CD48: variants seen among roughly 807,000 people sequenced by gnomAD.
The protein encoded by CD48 is CD48 molecule.
Under a neutral mutation model 22.0 loss-of-function variants are expected in CD48, and 20 were observed. The ratio of observed to expected loss-of-function variants is 0.91; its 90% CI spans 0.64 to 1.32. The LOEUF is 1.32. CD48 is among the 40% of genes most tolerant of loss of function. The probability of loss-of-function intolerance (pLI) is 0.00; values close to 1 mark genes in which losing one functional copy is unlikely to be tolerated. For synonymous variants in CD48, 110 were observed against 110.1 expected (o/e 1.00, Z 0.01); for missense variants, 307 against 286.5 (o/e 1.07, Z -0.52).
intron 1 of CD48, among the ~76,000 whole-genome samples, chr1:160,700,417 A>G (rs1186823305): frequency 6.6e-6 from 1 of 152,200 alleles, no homozygotes; most frequent in East Asian, 1.9e-4. Flanking sequence ...AGCCTGTCTA[A>G]TTAATATGGC....
intron 2 of CD48, among the ~76,000 whole-genome samples, chr1:160,682,137 G>A (rs1398820996): frequency 6.6e-6 from 1 of 152,152 alleles, no homozygotes; most frequent in Non-Finnish European, 1.5e-5. Context: ...GATGAATGAA[G>A]TAGTTATGAG....
chr1:160,682,824 A>T (rs746196532), intron 2 of CD48, among the ~76,000 whole-genome samples: 2 of 152,254 alleles, frequency 1.3e-5, no homozygotes, highest in Non-Finnish European at 2.9e-5. Context: ...TAGTCCCAGC[A>T]TCTGGTCCTT....
chr1:160,699,943 T>C (rs1662573940), intron 1 of CD48, among the ~76,000 whole-genome samples: 1 of 151,850 alleles, frequency 6.6e-6, no homozygotes. Flanking sequence ...TCTCTGTGTC[T>C]TTTTCTTTTC....
intron 1 of CD48, chr1:160,691,804 G>A (rs535842045): frequency 7.3e-5 from 27 of 368,586 alleles, no homozygotes; most frequent in South Asian, 6.6e-4. Context: ...ACACTCGAGC[G>A]TGGTCATTGA....
intron 1 of CD48, among the ~76,000 whole-genome samples, chr1:160,703,959 G>A (rs1662714468): frequency 6.6e-6 from 1 of 152,138 alleles, no homozygotes; most frequent in Admixed American, 6.5e-5. Context: ...AGTCAGAGAG[G>A]GAGTGAGATT....
At chr1:160,688,349 G>T (rs562228158) in intron 1 of CD48, among the ~76,000 whole-genome samples, 1 of 152,134 alleles carries the variant, frequency 6.6e-6, no homozygotes, top group South Asian at 2.1e-4. Context: ...GGGAGGATTC[G>T]CAAGGTCTAG....
chr1:160,706,611 G>C (rs555880559), intron 1 of CD48, among the ~76,000 whole-genome samples: 19 of 152,232 alleles, frequency 1.2e-4, no homozygotes, highest in African/African-American at 4.3e-4. Context: ...CTACTATTTT[G>C]ATTTAATTCT....
chr1:160,691,298 G>C (rs1558033763), intron 1 of CD48, among the ~76,000 whole-genome samples: 1 of 152,114 alleles, frequency 6.6e-6, no homozygotes, highest in Non-Finnish European at 1.5e-5. Context: ...CCCATCCCTG[G>C]GCAATGGAAT....
At chr1:160,681,507 G>T (rs375780851) in intron 2 of CD48, 39 bp from the exon 3 acceptor site, 6 of 1,600,490 alleles carry the variant, frequency 3.7e-6, no homozygotes, top group Non-Finnish European at 5.1e-6. Context: ...AGACAGTGAG[G>T]CATTCATGCT....
chr1:160,711,116 G>C (rs948193182), intron 1 of CD48, among the ~76,000 whole-genome samples: 2 of 152,156 alleles, frequency 1.3e-5, no homozygotes, highest in African/African-American at 4.8e-5. Context: ...AATCAGATGT[G>C]TTAAGGTTCC....
In CD48 at chr1:160,684,995, C is replaced by T. The variant is rs751886825; in HGVS notation, c.277G>A (p.Ala93Thr). 1.5e-4 allele frequency: 246 copies of T among 1,613,942 alleles called. No homozygotes were observed. Among genetic ancestry groups the T allele is most frequent in the Non-Finnish European group, 1.7e-4 (205 of 1,179,972 alleles). ...TTCTGGACCTTAGAGATGTACAGTG[C>T]GCCACTCTGAGGATCAAGTCTGACC... ...GRVRLDPQSG[A>T]LYISKVQKED... The change falls in exon 2 of 4, where the codon GCA (alanine) becomes ACA (threonine). Residue 93 changes from alanine to threonine, a missense_variant. By Grantham distance (58) the Ala-to-Thr change is moderately conservative. Transcript: ENST00000368046.
In CD48 at chr1:160,709,032, T is replaced by C. The variant is rs116463913; in HGVS notation, c.82+2650A>G. On this transcript the variant is annotated intron_variant, in intron 1 of 3. Coordinates refer to ENST00000368046, the MANE Select transcript of CD48 (RefSeq NM_001778.4). ...CATGACTCTAGGCCACACCATGATCTGATTGCAAGCACATGAAAAGCACAT... is the reference window on the plus strand; with the variant it reads ...CATGACTCTAGGCCACACCATGATCCGATTGCAAGCACATGAAAAGCACAT... Among the ~76,000 whole-genome samples the C allele has an allele frequency of 9.1e-3, 1,393 of 152,294 alleles. 23 individuals carry two copies. The highest frequency in any genetic ancestry group is 0.032 in the African/African-American group (1,313 of 41,562).
rs549882560 is a variant in CD48, at chr1:160,706,325, C to T, written c.82+5357G>A. Reference sequence around the variant, plus strand: ...CTGACCTCAGGTGATCCACCTGCTTCGGCCTCCCAAAGTGCTGGGATTACA... The same window carrying T: ...CTGACCTCAGGTGATCCACCTGCTTTGGCCTCCCAAAGTGCTGGGATTACA... On this transcript the variant is annotated intron_variant, in intron 1 of 3. Transcript: ENST00000368046. Among the ~76,000 whole-genome samples, 123 of 152,252 alleles carry T rather than the reference C, an allele frequency of 8.1e-4. 1 individual carries two copies. The highest frequency in any genetic ancestry group is 1.4e-3 in the Non-Finnish European group (94 of 68,012).
intron 1 of CD48, among the ~76,000 whole-genome samples, chr1:160,694,521 G>T (rs1229530705): frequency 1.3e-5 from 2 of 152,062 alleles, no homozygotes; most frequent in African/African-American, 4.8e-5. Context: ...AATCAAGAAA[G>T]TACTGTTCAG....
intron 1 of CD48, among the ~76,000 whole-genome samples, chr1:160,707,597 G>A (rs1428543355): frequency 6.6e-6 from 1 of 152,122 alleles, no homozygotes; most frequent in East Asian, 1.9e-4. Context: ...CTGCCTAATG[G>A]TCTCTAGTTT....
chr1:160,679,068 C>T lies in CD48; in HGVS notation c.716G>A (p.Gly239Asp), dbSNP rs1661708037. 2 of 1,613,932 alleles carry T rather than the reference C, an allele frequency of 1.2e-6. No individual in the cohort carries two copies. Among genetic ancestry groups the T allele is most frequent in the East Asian group, 4.5e-5 (2 of 44,888 alleles). ...GAGCTCATCTCAGGTAAGTAACAGG[C>T]CAAGAATGGTGGGCACCGTGACCAC... ...WLVVTVPTIL[G>D]LLLT is the part of the protein sequence containing the mutation. The change falls in exon 4 of 4, where the codon GGC (glycine) becomes GAC (aspartate). Residue 239 changes from glycine (G) to aspartate (D), a missense_variant. Physicochemically the swap from Gly to Asp is moderately conservative, Grantham distance 94. Coordinates refer to ENST00000368046, the MANE Select transcript of CD48 (RefSeq NM_001778.4).
Position 160,681,323 on chromosome 1 carries a change from C to G in CD48, c.531G>C (p.Gln177His). 1 of 1,614,190 alleles carries G rather than the reference C, an allele frequency of 6.2e-7. No homozygotes were observed. The highest frequency in any genetic ancestry group is 2.2e-5 in the East Asian group (1 of 44,886). Residue 177 changes from glutamine (Q) to histidine (H), a missense_variant, in exon 3 of 4, where the codon CAG (glutamine) becomes CAC (histidine). Gln to His is a conservative substitution (Grantham distance 24). Coordinates refer to ENST00000368046, the MANE Select transcript of CD48 (RefSeq NM_001778.4). ...TAAGGGTGGTTTCAAGCACACTGTTCTGGAGCTCCTTTGGGAAGGGCCTTT... is the reference window on the plus strand; with the variant it reads ...TAAGGGTGGTTTCAAGCACACTGTTGTGGAGCTCCTTTGGGAAGGGCCTTT... ...GDKRPFPKEL[Q>H]NSVLETTLMP...
chr1:160,692,620 C>T (rs1171775938), intron 1 of CD48, among the ~76,000 whole-genome samples: 1 of 152,144 alleles, frequency 6.6e-6, no homozygotes, highest in Non-Finnish European at 1.5e-5. Flanking sequence ...GCCATACCCT[C>T]AGCCGCCCAC....
intron 1 of CD48, among the ~76,000 whole-genome samples, chr1:160,695,330 A>G (rs1240600240): frequency 6.6e-6 from 1 of 152,292 alleles, no homozygotes; most frequent in Non-Finnish European, 1.5e-5. Context: ...TGTGCTGCAG[A>G]AACGAAAGAT....
Sources: gnomAD v4.1 joint callset for allele counts (sites outside exome capture counted in the v4.1 genomes callset) on GRCh38, gnomAD v4.1.1 for gene constraint, MANE v1.5 for transcripts, NCBI Gene and HGNC (gene_info 2026-07-23, HGNC 2026-07-21) for gene names.